GINS1: variants seen among roughly 807,000 people sequenced by gnomAD.
GINS1 encodes DNA replication complex GINS protein PSF1.
In GINS1, 26 loss-of-function variants were observed where a neutral mutation model predicts 34.9. The observed-to-expected ratio is 0.74, with a 90% CI of 0.55 to 1.03. GINS1 has a LOEUF of 1.03. Among genes scored for constraint, GINS1 ranks in the 50% least tolerant of loss-of-function variants. GINS1 has a pLI of 0.00. For missense variants in GINS1, 235 were observed against 237.9 expected (o/e 0.99, Z 0.08); for synonymous variants, 97 against 84.4 (o/e 1.15, Z -0.82).
At position 25,442,346 on chromosome 20, in the gene GINS1, G is replaced by A. The variant is rs200698106; in HGVS notation, c.522+570G>A. On this transcript the variant is annotated intron_variant, in intron 6 of 6. Coordinates refer to ENST00000262460, the MANE Select transcript of GINS1 (RefSeq NM_021067.5). The stretch of plus-strand genomic sequence containing the variant: ...TATCCATCTATCTATCTATCTGTCT[G>A]TCTGTCTGTCTGTCTGTCTGTCTGT... Among the ~76,000 whole-genome samples the A allele has an allele frequency of 8.0e-3, 537 of 67,276 alleles. 4 individuals are homozygous for A. The East Asian group carries it at 0.13, about 17-fold the overall frequency. 44.1% of individuals were successfully genotyped at this position (67,276 alleles called of 152,430 possible).
chr20:25,416,830 A>G (rs1039407845), intron 2 of GINS1, among the ~76,000 whole-genome samples: 1 of 152,242 alleles, frequency 6.6e-6, no homozygotes, highest in African/African-American at 2.4e-5. Context: ...TGTCTTTTAG[A>G]AAGAATAGAG....
chr20:25,428,860 A>AAT (rs981098423), intron 5 of GINS1, among the ~76,000 whole-genome samples: 5 of 151,668 alleles, frequency 3.3e-5, no homozygotes, highest in East Asian at 1.9e-4. Flanking sequence ...AAGTTTTTTT[A>AAT]ATATATATAT....
chr20:25,425,173 C>G (rs1442037031), intron 4 of GINS1, 38 bp from the exon 5 acceptor site: 3 of 880,962 alleles, frequency 3.4e-6, no homozygotes, highest in South Asian at 1.4e-5. Context: ...TGCAAGTTTT[C>G]TTAGAATTTT....
intron 5 of GINS1, among the ~76,000 whole-genome samples, chr20:25,428,291 T>G (rs1033520488): frequency 6.6e-6 from 1 of 152,162 alleles, no homozygotes; most frequent in African/African-American, 2.4e-5. Flanking sequence ...GTTTTACATT[T>G]GCATTTCGGT....
Position 25,441,735 on chromosome 20 carries a change from G to A in GINS1, c.481G>A (p.Val161Ile), listed in dbSNP as rs370853877. The change falls in exon 6 of 7, where the codon GTT becomes ATT. Residue 161 changes from valine (V) to isoleucine (I), a missense_variant. Val to Ile is a conservative substitution (Grantham distance 29). Coordinates refer to ENST00000262460, the MANE Select transcript of GINS1 (RefSeq NM_021067.5). ...TCTAAAAGACTATGGAGAATTTGAA[G>A]TTGATGATGGCACTTCAGTCCTATT... ...RCLKDYGEFE[V>I]DDGTSVLLKK... 30 of 1,568,924 alleles carry A rather than the reference G, an allele frequency of 1.9e-5. No individual in the cohort carries two copies. The highest frequency in any genetic ancestry group is 2.6e-5 in the Non-Finnish European group (30 of 1,146,872).
At chr20:25,412,849 C>T (rs535486495) in intron 1 of GINS1, among the ~76,000 whole-genome samples, 4 of 152,176 alleles carry the variant, frequency 2.6e-5, no homozygotes, top group African/African-American at 4.8e-5. Context: ...GTAACTTTGC[C>T]CCCCTTTTGT....
At chr20:25,421,651 AT>A (rs1026015834) in intron 4 of GINS1, among the ~76,000 whole-genome samples, 3 of 152,094 alleles carry the variant, frequency 2.0e-5, no homozygotes, top group African/African-American at 7.2e-5. Context: ...GAAAATAGGT[AT>A]TTTTTTCTTT....
rs1384147246 is a variant in GINS1 at position 25,429,213 on chromosome 20, C to T, written c.447+3886C>T. ...CCATGTTGGCTAGGCTGGTCTCGAACTCCTGACCTCAGGTGATCCGCCCAC... is the reference window on the plus strand; with the variant it reads ...CCATGTTGGCTAGGCTGGTCTCGAATTCCTGACCTCAGGTGATCCGCCCAC... On this transcript the variant is annotated intron_variant, in intron 5 of 6. Coordinates refer to ENST00000262460, the MANE Select transcript of GINS1 (RefSeq NM_021067.5). 4.6e-5 allele frequency among the ~76,000 whole-genome samples: 7 copies of T among 151,896 alleles called. No individual in the cohort carries two copies. In the East Asian group the frequency reaches 1.4e-3, roughly 29 times the overall value.
intron 4 of GINS1, among the ~76,000 whole-genome samples, chr20:25,423,200 GCCTC>G (rs1048469557): frequency 1.7e-4 from 25 of 149,094 alleles, no homozygotes; most frequent in African/African-American, 6.2e-4. Flanking sequence ...TGCAACCTCC[GCCTC>G]CCTGGTTCAA....
chr20:25,425,048 G>A (rs1337403564), intron 4 of GINS1, among the ~76,000 whole-genome samples, 163 bp from the exon 5 acceptor site: 1 of 152,152 alleles, frequency 6.6e-6, no homozygotes. Context: ...TAAGTACCCA[G>A]ACCAATGCCT....
At chr20:25,441,673 G>T in intron 5 of GINS1, 29 bp from the exon 6 acceptor site, 1 of 1,172,728 alleles carries the variant, frequency 8.5e-7, no homozygotes, top group Non-Finnish European at 1.2e-6. Flanking sequence ...AACTAATTTA[G>T]ATAAAACATC....
intron 5 of GINS1, among the ~76,000 whole-genome samples, chr20:25,440,171 T>A (rs2090474876): frequency 6.6e-6 from 1 of 152,064 alleles, no homozygotes; most frequent in Admixed American, 6.5e-5. Context: ...CAGCTAAATT[T>A]TGTATTTTTG....
At chr20:25,418,016 G>GATT in intron 3 of GINS1, 89 bp from the exon 4 acceptor site, 1 of 784,686 alleles carries the variant, frequency 1.3e-6, no homozygotes, top group Admixed American at 1.7e-5. Flanking sequence ...TCTGTTTAGA[G>GATT]CTGGTGTGTT....
intron 6 of GINS1, among the ~76,000 whole-genome samples, chr20:25,444,866 C>T (rs2090502448): frequency 6.6e-6 from 1 of 152,182 alleles, no homozygotes; most frequent in Non-Finnish European, 1.5e-5. Flanking sequence ...GTCATGAATA[C>T]TTTTCAACCT....
intron 5 of GINS1, among the ~76,000 whole-genome samples, chr20:25,431,378 A>C (rs911551854): frequency 3.3e-5 from 5 of 151,948 alleles, no homozygotes; most frequent in Non-Finnish European, 5.9e-5. Context: ...GGTTTTCTCT[A>C]TGAGTGTTTC....
intron 6 of GINS1, among the ~76,000 whole-genome samples, 164 bp downstream of exon 6, chr20:25,441,940 T>C (rs962658022): frequency 6.6e-6 from 1 of 152,220 alleles, no homozygotes; most frequent in Non-Finnish European, 1.5e-5. Context: ...ATATTAAGAC[T>C]GGAAGCAAAT....
chr20:25,445,980 A>T lies in GINS1; in HGVS notation c.580A>T (p.Ile194Phe). The T allele has an allele frequency of 3.1e-6, 5 of 1,608,628 alleles. No homozygotes were observed. The highest frequency in any genetic ancestry group is 4.3e-6 in the Non-Finnish European group (5 of 1,175,222). The part of the protein sequence containing the change: ...QLIRQGVLEH[I>F]LS ...GATCAGACAAGGAGTCCTGGAGCACATCCTGTCATGACCATGCGCCGAGGC... is the reference window on the plus strand; with the variant it reads ...GATCAGACAAGGAGTCCTGGAGCACTTCCTGTCATGACCATGCGCCGAGGC... Residue 194 changes from isoleucine to phenylalanine, a missense_variant, in exon 7 of 7, where the codon ATC (isoleucine) becomes TTC (phenylalanine). By Grantham distance (21) the Ile-to-Phe change is conservative. Coordinates refer to ENST00000262460, the MANE Select transcript of GINS1 (RefSeq NM_021067.5).
chr20:25,424,554 A>C (rs2090379594), intron 4 of GINS1, among the ~76,000 whole-genome samples: 1 of 152,200 alleles, frequency 6.6e-6, no homozygotes, highest in Non-Finnish European at 1.5e-5. Context: ...TTGTGCATCC[A>C]ATACCACATT....
At chr20:25,445,243 G>A (rs1157204880) in intron 6 of GINS1, among the ~76,000 whole-genome samples, 4 of 152,002 alleles carry the variant, frequency 2.6e-5, no homozygotes, top group Admixed American at 2.6e-4. Context: ...TGCCCAGGCT[G>A]GAGTGCAATG....
Sources: gnomAD v4.1 joint callset for allele counts (sites outside exome capture counted in the v4.1 genomes callset) on GRCh38, gnomAD v4.1.1 for gene constraint, MANE v1.5 for transcripts, NCBI Gene and HGNC (gene_info 2026-07-23, HGNC 2026-07-21) for gene names.